SUPT5H: variants seen among roughly 807,000 people sequenced by gnomAD.
SUPT5H encodes SPT5 homolog, DSIF elongation factor subunit, also known as transcription elongation factor SPT5.
SUPT5H carries 24 observed loss-of-function variants against 142.5 expected under a neutral mutation model. That is an observed-to-expected ratio of 0.17 (90% CI 0.12 to 0.24). The LOEUF (loss-of-function observed/expected upper bound fraction) is 0.24. Among genes scored for constraint, SUPT5H ranks in the 10% least tolerant of loss-of-function variants. SUPT5H has a pLI of 1.00. For synonymous variants in SUPT5H, 546 were observed against 553.0 expected, an observed-to-expected ratio of 0.99 and a Z score of 0.18; for missense variants, 893 against 1,471.8, an observed-to-expected ratio of 0.61 and a Z score of 6.43.
rs2079374936 is a variant in SUPT5H, at chr19:39,474,576, G to A, written c.2882G>A (p.Gly961Asp). 2.5e-6 allele frequency: 4 copies of A among 1,614,070 alleles called. No individual in the cohort carries two copies. Among genetic ancestry groups the A allele is most frequent in the Non-Finnish European group, 3.4e-6 (4 of 1,180,046 alleles). Residue 961 changes from glycine to aspartate, a missense_variant, in exon 28 of 30, where the codon GGT becomes GAT. Around this residue, in one of 6 missense-constraint regions of SUPT5H, gnomAD observed 336 missense variants for 546.5 expected, o/e 0.61. Transcript: ENST00000432763. This position sits in a 1 kb window ranked among gnomAD's most constrained non-coding sequence, Gnocchi z 6.5. ...SPMTPGAPSP[G>D]GYNPHTPGSG... ...ATGACACCTGGAGCTCCCTCCCCTG[G>A]TGGCTACAACCCACACACGCCAGGC... is the stretch of plus-strand genomic sequence containing the variant.
chr19:39,457,519 G>A (rs761210412), intron 3 of SUPT5H, among the ~76,000 whole-genome samples, 156 bp from the exon 4 acceptor site: 2 of 152,110 alleles, frequency 1.3e-5, no homozygotes, highest in Non-Finnish European at 2.9e-5. Context: ...CAGCTCTGTG[G>A]CACGGCCCCA....
rs1261381296 is a variant in SUPT5H, at chr19:39,471,607, C to T, written c.1827C>T (p.Gly609=). The change falls in exon 20 of 30, where the codon GGC becomes GGT. Residue 609 remains glycine, a splice_region_variant and synonymous_variant. Coordinates refer to ENST00000432763, the MANE Select transcript of SUPT5H (RefSeq NM_001111020.3). The part of the protein sequence containing the change: ...IVKVIDGPHS[G]REGEIRHLFR... ...GTGACCCTTCTCTCCCCGGCTAGGG[C>T]CGAGAAGGGGAGATTCGCCATCTCT... 6.2e-6 allele frequency: 10 copies of T among 1,614,076 alleles called. No individual in the cohort carries two copies. The highest frequency in any genetic ancestry group is 8.5e-6 in the Non-Finnish European group (10 of 1,180,030).
chr19:39,476,046 C>A, intron 28 of SUPT5H, 35 bp from the exon 29 acceptor site: 1 of 1,588,258 alleles, frequency 6.3e-7, no homozygotes, highest in Non-Finnish European at 8.6e-7. Flanking sequence ...ATGTTGGGAG[C>A]AGGACAGGCT....
chr19:39,461,421 TGTG>T (rs1184928346), intron 10 of SUPT5H, among the ~76,000 whole-genome samples: 6 of 151,596 alleles, frequency 4.0e-5, no homozygotes, highest in Non-Finnish European at 7.4e-5. Flanking sequence ...TTTGGCTAGG[TGTG>T]GTGGCTAATG....
chr19:39,472,413 G>A lies in SUPT5H; in HGVS notation c.1955G>A (p.Arg652His), dbSNP rs746130381. 6 of 1,614,080 alleles carry A rather than the reference G, an allele frequency of 3.7e-6. No homozygotes were observed. The highest frequency in any genetic ancestry group is 1.1e-5 in the South Asian group (1 of 91,076). ...HLVLAGGSKP[R>H]DVTNFTVGGF... is the part of the protein sequence containing the mutation. Reference sequence around the variant, plus strand: ...CACTCCTTGCTTCTATCCTAGCCCCGTGATGTGACCAACTTCACCGTGGGT... The same window carrying A: ...CACTCCTTGCTTCTATCCTAGCCCCATGATGTGACCAACTTCACCGTGGGT... Residue 652 changes from arginine to histidine, a missense_variant, in exon 21 of 30, where the codon CGT (arginine) becomes CAT (histidine). By Grantham distance (29) the Arg-to-His change is conservative. This residue lies in a region of SUPT5H where 428 missense variants were observed against 763.5 expected (regional missense o/e 0.56). Coordinates refer to ENST00000432763, the MANE Select transcript of SUPT5H (RefSeq NM_001111020.3). The surrounding 1 kb of genome is among the most constrained non-coding windows in gnomAD (Gnocchi z 4.2).
Position 39,472,761 on chromosome 19 carries a change from G to C in SUPT5H, c.2036-49G>C. ...AAGGGGACGTTCTGATGGTGCCCTT[G>C]CTGTGGGCACAGCCGTGGGGGACCA... On this transcript the variant is annotated intron_variant, in intron 21 of 29. Transcript: ENST00000432763. This position sits in a 1 kb window ranked among gnomAD's most constrained non-coding sequence, Gnocchi z 4.2. 1 of 1,579,954 alleles carries C rather than the reference G, an allele frequency of 6.3e-7. No homozygotes were observed. The highest frequency in any genetic ancestry group is 8.6e-7 in the Non-Finnish European group (1 of 1,161,414).
Position 39,458,382 on chromosome 19 carries a change from T to G in SUPT5H, c.319+77T>G. ...TTCCTCCTTCCTGAGGCACCTGCCCTCACCGGTAGCCTCCCCACCAGCCCC... is the reference window on the plus strand; with the variant it reads ...TTCCTCCTTCCTGAGGCACCTGCCCGCACCGGTAGCCTCCCCACCAGCCCC... On this transcript the variant is annotated intron_variant, in intron 5 of 29. Coordinates refer to ENST00000432763, the MANE Select transcript of SUPT5H (RefSeq NM_001111020.3). This position sits in a 1 kb window ranked among gnomAD's most constrained non-coding sequence, Gnocchi z 4.2. The G allele has an allele frequency of 1.3e-6, 2 of 1,599,142 alleles. No individual in the cohort carries two copies. Among genetic ancestry groups the G allele is most frequent in the Non-Finnish European group, 8.5e-7 (1 of 1,172,306 alleles).
chr19:39,448,559 A>ACC (rs112178367), intron 2 of SUPT5H, among the ~76,000 whole-genome samples: 2 of 150,634 alleles, frequency 1.3e-5, no homozygotes, highest in African/African-American at 4.9e-5. Flanking sequence ...ACCATACTTG[A>ACC]CCCCCCACCC....
At chr19:39,455,845 A>G (rs1254791743) in intron 3 of SUPT5H, among the ~76,000 whole-genome samples, 1 of 148,238 alleles carries the variant, frequency 6.7e-6, no homozygotes, top group East Asian at 2.0e-4. Flanking sequence ...CTGGTCTCGA[A>G]CTCCTGACCT....
Position 39,466,849 on chromosome 19 carries a change from C to T in SUPT5H, c.1037+104C>T. On this transcript the variant is annotated intron_variant, in intron 13 of 29. Coordinates refer to ENST00000432763, the MANE Select transcript of SUPT5H (RefSeq NM_001111020.3). The surrounding 1 kb of genome is among the most constrained non-coding windows in gnomAD (Gnocchi z 4.3). ...GGGGTGGCCCCGCCACAGGTTTAGC[C>T]TGTGAATTGGTTAGCTTGGCAGTAT... The T allele has an allele frequency of 8.9e-7, 1 of 1,119,062 alleles. No homozygotes were observed. Among genetic ancestry groups the T allele is most frequent in the East Asian group, 2.4e-5 (1 of 42,382 alleles). The allele number at this position is 1,119,062 out of a possible 1,614,324, so 69.3% of individuals were successfully genotyped here.
rs545619803 is a variant in SUPT5H, at chr19:39,468,031, T to C, written c.1038-725T>C. ...GCTGGCCCCTCTCCCAGATTCACCA[T>C]GGGAGAAGGCGATTGCATGAGCGCA... On this transcript the variant is annotated intron_variant, in intron 13 of 29. Transcript: ENST00000432763. The C allele has an allele frequency of 2.6e-5, 4 of 152,226 alleles. No homozygotes were observed. The East Asian group carries it at 7.8e-4, about 30-fold the overall frequency. 9.4% of individuals were successfully genotyped at this position (152,226 alleles called of 1,614,324 possible).
At chr19:39,471,821 G>A (rs2079325506) in intron 20 of SUPT5H, 91 bp downstream of exon 20, 1 of 1,503,336 alleles carries the variant, frequency 6.7e-7, no homozygotes, top group Non-Finnish European at 8.9e-7. Context: ...GATTGGGCTT[G>A]TGAGGGATTA....
intron 2 of SUPT5H, among the ~76,000 whole-genome samples, chr19:39,451,376 A>G (rs907001519): frequency 1.8e-4 from 26 of 146,512 alleles, no homozygotes; most frequent in Non-Finnish European, 3.8e-4. Flanking sequence ...TTGTATTTTT[A>G]GTAGAGATGG....
chr19:39,458,156 G>A lies in SUPT5H; in HGVS notation c.308-138G>A. On this transcript the variant is annotated intron_variant, in intron 4 of 29. Transcript: ENST00000432763. The surrounding 1 kb of genome is among the most constrained non-coding windows in gnomAD (Gnocchi z 4.2). ...TACTTTTGGTTTTCAACCTTTCTGT[G>A]TCCCTCCCTTCCCCTCCCCCAACCC... The A allele has an allele frequency of 7.1e-7, 1 of 1,403,666 alleles. No individual in the cohort carries two copies. The highest frequency in any genetic ancestry group is 9.5e-7 in the Non-Finnish European group (1 of 1,053,442). The allele number at this position is 1,403,666 out of a possible 1,614,324, so 87.0% of individuals were successfully genotyped here. A position where few individuals can be genotyped will look rare whatever the true frequency, so the allele number is the denominator to read the frequency against.
intron 13 of SUPT5H, chr19:39,467,586 G>A (rs1386797404): frequency 2.6e-5 from 4 of 152,218 alleles, no homozygotes; most frequent in Non-Finnish European, 5.9e-5. Context: ...TGAGATGGGG[G>A]GGTATGGAGT....
In SUPT5H at chr19:39,458,738, C is replaced by CT; in HGVS notation, c.320-78dup. On this transcript the variant is annotated intron_variant, in intron 5 of 29. Transcript: ENST00000432763. This position sits in a 1 kb window ranked among gnomAD's most constrained non-coding sequence, Gnocchi z 4.2. ...TGCCCCAGGGCCAAACCCTGGCCCT[C>CT]TTAGCTGCACGCTCCTATTTTCTCC... The CT allele has an allele frequency of 7.2e-7, 1 of 1,381,276 alleles. No homozygotes were observed. The allele number at this position is 1,381,276 out of a possible 1,614,324, so 85.6% of individuals were successfully genotyped here. A position where few individuals can be genotyped will look rare whatever the true frequency, so the allele number is the denominator to read the frequency against.
Position 39,445,651 on chromosome 19 carries a change from C to T in SUPT5H, c.-88+14C>T. ...GGAGCCCGAGAGGTAAGTGCGTGTG[C>T]AGAGGTGGCAGTTCCGGGCGCCGGG... On this transcript the variant is annotated intron_variant, in intron 1 of 29. Coordinates refer to ENST00000432763, the MANE Select transcript of SUPT5H (RefSeq NM_001111020.3). 1.8e-6 allele frequency: 1 copy of T among 555,898 alleles called. No individual in the cohort carries two copies. Among genetic ancestry groups the T allele is most frequent in the Non-Finnish European group, 3.2e-6 (1 of 308,136 alleles). 34.4% of individuals were successfully genotyped at this position (555,898 alleles called of 1,614,324 possible).
intron 2 of SUPT5H, 94 bp downstream of exon 2, chr19:39,446,059 G>T: frequency 7.4e-7 from 1 of 1,345,238 alleles, no homozygotes; most frequent in South Asian, 1.2e-5. Context: ...TTCACAGCGG[G>T]CTCTGGCTTC....
rs1347661442 is a variant in SUPT5H, at chr19:39,472,600, A to G, written c.2035+107A>G. The G allele has an allele frequency of 1.2e-5, 17 of 1,412,358 alleles. No homozygotes were observed. Among genetic ancestry groups the G allele is most frequent in the Middle Eastern group, 3.7e-4 (2 of 5,408 alleles). 87.5% of individuals were successfully genotyped at this position (1,412,358 alleles called of 1,614,324 possible). On this transcript the variant is annotated intron_variant, in intron 21 of 29. Coordinates refer to ENST00000432763, the MANE Select transcript of SUPT5H (RefSeq NM_001111020.3). The surrounding 1 kb of genome is among the most constrained non-coding windows in gnomAD (Gnocchi z 4.2). Reference sequence around the variant, plus strand: ...TGCCTGTGCTGGGCTGGGCACTGCTATTAGGGGTTCACCACCCACAGGAGG... The same window carrying G: ...TGCCTGTGCTGGGCTGGGCACTGCTGTTAGGGGTTCACCACCCACAGGAGG...
Sources: allele counts gnomAD v4.1 joint callset (sites outside exome capture counted in the v4.1 genomes callset), GRCh38; gene constraint gnomAD v4.1.1; regional missense constraint gnomAD v4.1.1; non-coding constraint Gnocchi (gnomAD v3.1); transcripts MANE v1.5; gene names NCBI Gene and HGNC (gene_info 2026-07-23, HGNC 2026-07-21).